The following TBXAS1 variants were observed in gnomAD, a reference collection of about 807,000 sequenced individuals.
TBXAS1 encodes the protein thromboxane A synthase 1, also known as thromboxane-A synthase.
A neutral mutation model predicts 60.7 loss-of-function variants in TBXAS1; 48 were observed. That is an observed-to-expected ratio of 0.79 (90% CI 0.63 to 1.01). The LOEUF (loss-of-function observed/expected upper bound fraction) is 1.01. Among genes scored for constraint, TBXAS1 ranks in the 50% least tolerant of loss-of-function variants. TBXAS1 has a pLI of 0.00. For missense variants in TBXAS1, 685 were observed against 686.3 expected (o/e 1.00, Z 0.02); for synonymous variants, 287 against 269.7 (o/e 1.06, Z -0.63).
chr7:139,988,314 G>A (rs1299842164), intron 9 of TBXAS1, among the ~76,000 whole-genome samples: 1 of 152,238 alleles, frequency 6.6e-6, no homozygotes, highest in Non-Finnish European at 1.5e-5. Context: ...CTTAGCCCGA[G>A]CGCCTCCACC....
intron 3 of TBXAS1, among the ~76,000 whole-genome samples, chr7:139,906,381 C>T (rs931217016): frequency 2.0e-5 from 3 of 152,138 alleles, no homozygotes; most frequent in African/African-American, 7.2e-5. Context: ...TGTTGAAAAA[C>T]CTACCCTTCC....
Position 139,955,007 on chromosome 7 carries a change from G to T in TBXAS1, c.540-452G>T, listed in dbSNP as rs561221774. Among the ~76,000 whole-genome samples, 7 of 152,324 alleles carry T rather than the reference G, an allele frequency of 4.6e-5. No individual in the cohort carries two copies. The East Asian group carries it at 1.2e-3, about 25-fold the overall frequency. ...GTTGTTAATTCATCAAGGACAATTT[G>T]ATGTCTATCAGTCAATCATTAGATT... On this transcript the variant is annotated intron_variant, in intron 6 of 12. Coordinates refer to ENST00000448866, the MANE Select transcript of TBXAS1 (RefSeq NM_001061.7).
At chr7:139,883,070 G>A (rs543302199) in intron 3 of TBXAS1, among the ~76,000 whole-genome samples, 1 of 152,260 alleles carries the variant, frequency 6.6e-6, no homozygotes, top group African/African-American at 2.4e-5. Context: ...TTTGAGAATA[G>A]GAAGAAAGTT....
intron 3 of TBXAS1, among the ~76,000 whole-genome samples, chr7:139,878,666 A>G (rs1395950822): frequency 6.6e-6 from 1 of 152,248 alleles, no homozygotes; most frequent in Non-Finnish European, 1.5e-5. Context: ...CTTACTGCTT[A>G]AATTTTAGCA....
At chr7:139,844,976 T>A (rs1585613479) in intron 1 of TBXAS1, among the ~76,000 whole-genome samples, 1 of 151,106 alleles carries the variant, frequency 6.6e-6, no homozygotes, top group East Asian at 1.9e-4. Flanking sequence ...TGGCACATTT[T>A]CCCCCAGCCC....
intron 9 of TBXAS1, among the ~76,000 whole-genome samples, chr7:139,981,768 G>A (rs1046980215): frequency 6.6e-6 from 1 of 152,158 alleles, no homozygotes; most frequent in Non-Finnish European, 1.5e-5. Flanking sequence ...TCATTGAGTC[G>A]CTCACAAAGG....
At chr7:139,984,357 C>T (rs946179048) in intron 9 of TBXAS1, among the ~76,000 whole-genome samples, 3 of 152,048 alleles carry the variant, frequency 2.0e-5, no homozygotes, top group Admixed American at 6.6e-5. Context: ...CTTAGATTCA[C>T]GTCCCTTCCA....
intron 3 of TBXAS1, among the ~76,000 whole-genome samples, chr7:139,901,489 G>A (rs967953586): frequency 1.3e-5 from 2 of 151,364 alleles, no homozygotes; most frequent in East Asian, 3.9e-4. Context: ...CAAAAGTTGC[G>A]TGTGCCCTAC....
At chr7:139,871,149 G>T (rs1178512937) in intron 1 of TBXAS1, among the ~76,000 whole-genome samples, 1 of 152,146 alleles carries the variant, frequency 6.6e-6, no homozygotes, top group Non-Finnish European at 1.5e-5. Context: ...GAATATTTGA[G>T]TATTTTTATT....
intron 5 of TBXAS1, among the ~76,000 whole-genome samples, chr7:139,939,246 C>A (rs559479206): frequency 4.1e-4 from 63 of 151,872 alleles, no homozygotes; most frequent in African/African-American, 1.5e-3. Flanking sequence ...CACCTGTAAC[C>A]CCAGCTACTC....
chr7:139,843,616 T>C (rs1313926595), intron 1 of TBXAS1, among the ~76,000 whole-genome samples: 2 of 152,220 alleles, frequency 1.3e-5, no homozygotes, highest in Admixed American at 6.5e-5. Context: ...GTGCTGGGAT[T>C]ACAGGCATGA....
intron 3 of TBXAS1, among the ~76,000 whole-genome samples, chr7:139,892,307 T>C (rs1271007083): frequency 1.3e-5 from 2 of 152,152 alleles, no homozygotes; most frequent in African/African-American, 2.4e-5. Context: ...TAAAAAATAC[T>C]TGAGGCCAGG....
intron 1 of TBXAS1, among the ~76,000 whole-genome samples, chr7:139,864,956 G>A (rs975301665): frequency 6.6e-6 from 1 of 152,168 alleles, no homozygotes; most frequent in Non-Finnish European, 1.5e-5. Flanking sequence ...ACTCTAGGAA[G>A]GAGATGTCCG....
At chr7:139,939,704 G>A (rs1808126666) in intron 5 of TBXAS1, among the ~76,000 whole-genome samples, 1 of 152,034 alleles carries the variant, frequency 6.6e-6, no homozygotes, top group African/African-American at 2.4e-5. Flanking sequence ...ACAGAGACGT[G>A]TAGCATATGT....
intron 1 of TBXAS1, among the ~76,000 whole-genome samples, chr7:139,868,712 A>G (rs1475199337): frequency 2.1e-5 from 3 of 144,808 alleles, no homozygotes; most frequent in African/African-American, 7.8e-5. Context: ...GCTGGAGCGC[A>G]GTGGCACAAT....
At chr7:139,943,770 C>A (rs569322023) in intron 5 of TBXAS1, among the ~76,000 whole-genome samples, 1 of 152,094 alleles carries the variant, frequency 6.6e-6, no homozygotes, top group South Asian at 2.1e-4. Context: ...TGGCTTTTAG[C>A]GATGGTGTAG....
chr7:139,934,495 CTT>C lies in TBXAS1; in HGVS notation c.334-1692_334-1691del, dbSNP rs1807586567. Reference sequence around the variant, plus strand: ...GAGCCACCATGCCTGGCCGCAAAGTCTTTTTCATTCAACATGGTATAGACAAC... The same window carrying C: ...GAGCCACCATGCCTGGCCGCAAAGTCTTTCATTCAACATGGTATAGACAAC... On this transcript the variant is annotated intron_variant, in intron 4 of 12. Transcript: ENST00000448866. Among the ~76,000 whole-genome samples the C allele has an allele frequency of 2.6e-5, 4 of 152,086 alleles. No homozygotes were observed. In the South Asian group the frequency reaches 8.3e-4, roughly 32 times the overall value.
At chr7:139,810,911 A>G (rs992412135) in intron 4 of TBXAS1, among the ~76,000 whole-genome samples, 1 of 152,238 alleles carries the variant, frequency 6.6e-6, no homozygotes, top group African/African-American at 2.4e-5. Context: ...ACAATACCAC[A>G]TATACCCAAA....
intron 1 of TBXAS1, among the ~76,000 whole-genome samples, chr7:139,863,340 A>T (rs1801104402): frequency 6.6e-6 from 1 of 152,186 alleles, no homozygotes; most frequent in South Asian, 2.1e-4. Flanking sequence ...CCAGCCAGAT[A>T]TTTATGTATT....
Sources: gnomAD v4.1 joint callset for allele counts (sites outside exome capture counted in the v4.1 genomes callset) on GRCh38, gnomAD v4.1.1 for gene constraint, MANE v1.5 for transcripts, NCBI Gene and HGNC (gene_info 2026-07-23, HGNC 2026-07-21) for gene names.